Variants in MSI1 observed in about 807,000 individuals in gnomAD.
MSI1 encodes RNA-binding protein Musashi homolog 1.
A neutral mutation model predicts 54.4 loss-of-function variants in MSI1; 15 were observed. The ratio of observed to expected loss-of-function variants is 0.28; its 90% confidence interval spans 0.18 to 0.42. The LOEUF (loss-of-function observed/expected upper bound fraction) is 0.42. Among genes scored for constraint, MSI1 ranks in the 20% least tolerant of loss-of-function variants. The probability of loss-of-function intolerance (pLI) is 1.00; values close to 1 mark genes in which losing one functional copy is unlikely to be tolerated. For missense variants in MSI1, 304 were observed against 506.0 expected (o/e 0.60, Z 3.83); for synonymous variants, 200 against 196.5 (o/e 1.02, Z -0.15).
chr12:120,367,834 C>T (rs556420354), intron 4 of MSI1, among the ~76,000 whole-genome samples, 174 bp downstream of exon 4: 152 of 152,114 alleles, frequency 1.0e-3, no homozygotes, highest in African/African-American at 3.5e-3. Context: ...TTTTCTCCTC[C>T]CTCTCCCCCC....
rs745974317 is a variant in MSI1 at position 120,363,100 on chromosome 12, C to T, written c.345G>A (p.Gly115=). The change falls in exon 6 of 15, where the codon GGG becomes GGA. Residue 115 remains glycine (G), a synonymous_variant. Coordinates refer to ENST00000257552, the MANE Select transcript of MSI1 (RefSeq NM_002442.4). ...CCTCCACCGTGGTGTTCACCGACAG[C>T]CCCCCCACAAAGATCTTCTTCGTTC... is the stretch of plus-strand genomic sequence containing the variant. ...VTRTKKIFVG[G]LSVNTTVEDV... is the part of the protein sequence containing the mutation. The T allele has an allele frequency of 7.4e-6, 12 of 1,613,936 alleles. No individual in the cohort carries two copies. The highest frequency in any genetic ancestry group is 1.0e-5 in the Non-Finnish European group (12 of 1,179,954).
chr12:120,358,385 C>G (rs898989226), intron 7 of MSI1, among the ~76,000 whole-genome samples: 5 of 151,916 alleles, frequency 3.3e-5, no homozygotes, highest in Non-Finnish European at 7.3e-5. Flanking sequence ...TATTTAGGCA[C>G]AGATACCCCC....
chr12:120,360,372 A>G (rs1012595092), intron 6 of MSI1, among the ~76,000 whole-genome samples: 1 of 152,204 alleles, frequency 6.6e-6, no homozygotes, highest in Non-Finnish European at 1.5e-5. Context: ...GCATCAAGCT[A>G]CAGTGGGCCT....
intron 9 of MSI1, among the ~76,000 whole-genome samples, chr12:120,354,622 G>C (rs1354341158): frequency 6.6e-6 from 1 of 152,036 alleles, no homozygotes; most frequent in Non-Finnish European, 1.5e-5. Context: ...GTTGAGACAG[G>C]GTTTCTCCAT....
intron 10 of MSI1, among the ~76,000 whole-genome samples, 200 bp downstream of exon 10, chr12:120,353,099 G>A (rs1874773845): frequency 6.6e-6 from 1 of 151,952 alleles, no homozygotes. Context: ...GGCCACGCTG[G>A]GAGCCCCTGT....
Position 120,349,558 on chromosome 12 carries a change from C to T in MSI1, c.790+1786G>A, listed in dbSNP as rs1874423897. 2.0e-5 allele frequency among the ~76,000 whole-genome samples: 3 copies of T among 152,218 alleles called. No homozygotes were observed. In the South Asian group the frequency reaches 6.2e-4, roughly 31 times the overall value. ...CTGTTTACTTGTTTACTGCTGTCTC[C>T]TTCCTCTGGAATTTCAGTTCCAGGA... is the stretch of plus-strand genomic sequence containing the variant. On this transcript the variant is annotated intron_variant, in intron 11 of 14. Coordinates refer to ENST00000257552, the MANE Select transcript of MSI1 (RefSeq NM_002442.4).
intron 11 of MSI1, among the ~76,000 whole-genome samples, chr12:120,347,999 C>T (rs986695179): frequency 3.9e-5 from 6 of 152,184 alleles, no homozygotes; most frequent in African/African-American, 9.7e-5. Context: ...CCAGGTAGAG[C>T]GCTCTAGGGG....
chr12:120,345,756 C>A, intron 13 of MSI1, 124 bp from the exon 14 acceptor site: 2 of 1,203,824 alleles, frequency 1.7e-6, no homozygotes, highest in African/African-American at 1.5e-5. Context: ...GGATCGCCCC[C>A]CTACTGCAGG....
Position 120,368,918 on chromosome 12 carries a change from C to T in MSI1, c.60-45G>A. On this transcript the variant is annotated intron_variant, in intron 1 of 14. Transcript: ENST00000257552. This position sits in a 1 kb window ranked among gnomAD's most constrained non-coding sequence, Gnocchi z 6.6. ...ACAAAGGGCCCGCGTGAGCGCCGGG[C>T]GCCAGGGCGCAGGGGGCGCGGGCCC... 7.4e-7 allele frequency: 1 copy of T among 1,348,212 alleles called. No homozygotes were observed. Among genetic ancestry groups the T allele is most frequent in the South Asian group, 1.6e-5 (1 of 61,446 alleles). 83.5% of individuals were successfully genotyped at this position (1,348,212 alleles called of 1,614,324 possible).
At chr12:120,362,159 C>T (rs1020072703) in intron 6 of MSI1, among the ~76,000 whole-genome samples, 3 of 149,316 alleles carry the variant, frequency 2.0e-5, no homozygotes, top group African/African-American at 5.0e-5. Context: ...GGGGACACCT[C>T]CCCCCCCCAC....
intron 9 of MSI1, among the ~76,000 whole-genome samples, chr12:120,355,030 C>CAAA (rs71076610): frequency 6.8e-5 from 3 of 44,092 alleles, no homozygotes; most frequent in African/African-American, 2.0e-4. Context: ...CCGTCTCTAC[C>CAAA]AAAAAAAAAA....
chr12:120,353,829 C>T (rs1272144073), intron 9 of MSI1, among the ~76,000 whole-genome samples: 1 of 152,220 alleles, frequency 6.6e-6, no homozygotes, highest in African/African-American at 2.4e-5. Context: ...GCACTCTTTC[C>T]AGATGACTAC....
intron 9 of MSI1, 102 bp downstream of exon 9, chr12:120,356,800 G>A (rs893461193): frequency 4.8e-5 from 49 of 1,010,550 alleles, no homozygotes; most frequent in Non-Finnish European, 7.1e-5. Flanking sequence ...ACTCAGACAG[G>A]AGGAGGGCAG....
At chr12:120,351,291 C>T (rs1874574563) in intron 11 of MSI1, 53 bp downstream of exon 11, 1 of 1,529,594 alleles carries the variant, frequency 6.5e-7, no homozygotes, top group South Asian at 1.1e-5. Flanking sequence ...CCCTGGGCCC[C>T]TTCTGTTTCT....
intron 14 of MSI1, among the ~76,000 whole-genome samples, chr12:120,343,682 T>C (rs1873877849): frequency 6.6e-6 from 1 of 152,244 alleles, no homozygotes; most frequent in African/African-American, 2.4e-5. Flanking sequence ...TATGTTCACT[T>C]GATTTTTGTC....
chr12:120,367,039 T>C (rs1876059592), intron 4 of MSI1, among the ~76,000 whole-genome samples: 1 of 152,134 alleles, frequency 6.6e-6, no homozygotes, highest in African/African-American at 2.4e-5. Flanking sequence ...AGGCCTGGCC[T>C]CATTTGCTCA....
intron 14 of MSI1, among the ~76,000 whole-genome samples, chr12:120,344,652 G>A (rs943985660): frequency 6.6e-6 from 1 of 151,858 alleles, no homozygotes; most frequent in Non-Finnish European, 1.5e-5. Context: ...AGGCTGCAGC[G>A]AGCTGTGATT....
chr12:120,365,575 A>T (rs1875965033), intron 4 of MSI1, among the ~76,000 whole-genome samples: 1 of 152,322 alleles, frequency 6.6e-6, no homozygotes, highest in African/African-American at 2.4e-5. Context: ...GCAAATGGGA[A>T]TACTCTTTGT....
intron 6 of MSI1, 148 bp downstream of exon 6, chr12:120,362,895 G>T (rs898282323): frequency 3.0e-6 from 2 of 671,976 alleles, no homozygotes; most frequent in Non-Finnish European, 5.2e-6. Context: ...CTGCAAGGTG[G>T]ATTGGCCTGG....
Sources: allele counts gnomAD v4.1 joint callset (sites outside exome capture counted in the v4.1 genomes callset), GRCh38; gene constraint gnomAD v4.1.1; non-coding constraint Gnocchi (gnomAD v3.1); transcripts MANE v1.5; gene names NCBI Gene and HGNC (gene_info 2026-07-23, HGNC 2026-07-21).